The following KCNN2 variants were observed in gnomAD, a reference collection of about 807,000 sequenced individuals.
KCNN2 encodes small conductance calcium-activated potassium channel protein 2.
Under a neutral mutation model 55.5 loss-of-function variants are expected in KCNN2, and 24 were observed. That is an observed-to-expected ratio of 0.43 (90% CI 0.31 to 0.61). The LOEUF is 0.61. Ranked by LOEUF, KCNN2 falls within the 20% of genes least tolerant of loss-of-function variation. The probability of loss-of-function intolerance (pLI) is 0.08; values close to 1 mark genes in which losing one functional copy is unlikely to be tolerated. For synonymous variants in KCNN2, 431 were observed against 336.1 expected (o/e 1.28, Z -3.09); for missense variants, 754 against 853.6 (o/e 0.88, Z 1.45).
chr5:114,271,922 A>G (rs1363956339), intron 2 of KCNN2, among the ~76,000 whole-genome samples: 1 of 152,128 alleles, frequency 6.6e-6, no homozygotes, highest in East Asian at 1.9e-4. Context: ...GGGAGGAACT[A>G]TTGTGCTAAT....
chr5:114,293,881 G>T (rs1755950044), intron 2 of KCNN2, among the ~76,000 whole-genome samples: 1 of 152,160 alleles, frequency 6.6e-6, no homozygotes, highest in Non-Finnish European at 1.5e-5. Flanking sequence ...CCTGTTATTG[G>T]TCTATTCAGA....
chr5:114,080,727 T>C (rs977895660), intron 1 of KCNN2, among the ~76,000 whole-genome samples: 5 of 152,096 alleles, frequency 3.3e-5, no homozygotes, highest in African/African-American at 1.2e-4. Context: ...GTGAACATGA[T>C]ACTCAATAAT....
chr5:114,180,664 T>A (rs911091365), intron 1 of KCNN2, among the ~76,000 whole-genome samples: 9 of 152,316 alleles, frequency 5.9e-5, no homozygotes, highest in Middle Eastern at 3.4e-3. Context: ...TGCCACTTGC[T>A]TTATGAGCTT....
At chr5:114,112,806 G>C (rs1041257009) in intron 1 of KCNN2, among the ~76,000 whole-genome samples, 5 of 152,028 alleles carry the variant, frequency 3.3e-5, no homozygotes, top group Non-Finnish European at 5.9e-5. Context: ...AATAACACCG[G>C]TTATGCACAT....
At chr5:114,133,582 C>T (rs982549486) in intron 1 of KCNN2, among the ~76,000 whole-genome samples, 9 of 152,018 alleles carry the variant, frequency 5.9e-5, no homozygotes, top group Non-Finnish European at 1.0e-4. Flanking sequence ...TTTTGGGATT[C>T]CAGAATCCCA....
At chr5:114,385,823 A>G (rs142210161) in intron 2 of KCNN2, among the ~76,000 whole-genome samples, 1 of 151,110 alleles carries the variant, frequency 6.6e-6, no homozygotes, top group East Asian at 1.9e-4. Context: ...GTAATTGTTC[A>G]GGTTTTTTTT....
Position 114,432,985 on chromosome 5 carries a change from C to T in KCNN2, c.1637+28129C>T, listed in dbSNP as rs1014987254. Among the ~76,000 whole-genome samples the T allele has an allele frequency of 5.3e-5, 8 of 152,248 alleles. No homozygotes were observed. The East Asian group carries it at 5.8e-4, about 11-fold the overall frequency. On this transcript the variant is annotated intron_variant, in intron 3 of 7. Transcript: ENST00000673685. The stretch of plus-strand genomic sequence containing the variant: ...CCCACCCCCTCCATGGGCTCCTGTG[C>T]GGCCGGAGCCTCCCTGATGAGCGCC...
intron 2 of KCNN2, among the ~76,000 whole-genome samples, chr5:114,229,367 A>G (rs1754308757): frequency 6.6e-6 from 1 of 151,768 alleles, no homozygotes; most frequent in African/African-American, 2.4e-5. Context: ...CAGATACAAT[A>G]ATTATATCTC....
chr5:114,275,993 G>A (rs1277740440), intron 2 of KCNN2, among the ~76,000 whole-genome samples: 1 of 152,076 alleles, frequency 6.6e-6, no homozygotes, highest in Non-Finnish European at 1.5e-5. Context: ...TCTACATAAT[G>A]CTTTAAATGT....
At chr5:114,428,194 A>G (rs1373823149) in intron 3 of KCNN2, among the ~76,000 whole-genome samples, 1 of 152,186 alleles carries the variant, frequency 6.6e-6, no homozygotes, top group Admixed American at 6.5e-5. Context: ...TTTACAAAGT[A>G]ATTTTGTTAG....
In KCNN2 at chr5:114,241,773, TACA is replaced by T. The variant is rs1561537130; in HGVS notation, c.-185+20209_-185+20211del. ...ATATGTATATATATACGTATATATA[TACA>T]TATATACGTATATATATGTATATAT... On this transcript the variant is annotated intron_variant, in intron 2 of 10. Coordinates refer to the KCNN2 transcript ENST00000512097. Among the ~76,000 whole-genome samples, 91 of 35,560 alleles carry T rather than the reference TACA, an allele frequency of 2.6e-3. 12 individuals are homozygous for T. The highest frequency in any genetic ancestry group is 7.5e-3 in the East Asian group (12 of 1,596). The allele number at this position is 35,560 out of a possible 152,430, so 23.3% of individuals were successfully genotyped here.
chr5:114,244,921 G>A (rs1754721876), intron 2 of KCNN2, among the ~76,000 whole-genome samples: 1 of 152,104 alleles, frequency 6.6e-6, no homozygotes, highest in South Asian at 2.1e-4. Flanking sequence ...GGGTTATTCT[G>A]TAACTTAATG....
intron 1 of KCNN2, among the ~76,000 whole-genome samples, chr5:114,146,855 C>G (rs375319572): frequency 6.6e-6 from 1 of 152,062 alleles, no homozygotes; most frequent in East Asian, 1.9e-4. Flanking sequence ...AAGGTCCAGG[C>G]AAATTAGTAT....
chr5:114,080,846 A>G (rs1750798158), intron 1 of KCNN2, among the ~76,000 whole-genome samples: 1 of 152,174 alleles, frequency 6.6e-6, no homozygotes, highest in South Asian at 2.1e-4. Flanking sequence ...TTAGGCAATA[A>G]GAAGAAATAA....
chr5:114,120,478 T>C (rs568555907), intron 1 of KCNN2, among the ~76,000 whole-genome samples: 2 of 152,220 alleles, frequency 1.3e-5, no homozygotes, highest in Non-Finnish European at 2.9e-5. Context: ...CTTTGGAGTG[T>C]TCAACTAAGC....
intron 3 of KCNN2, among the ~76,000 whole-genome samples, chr5:114,408,892 G>A (rs2150073461): frequency 6.6e-6 from 1 of 152,344 alleles, no homozygotes; most frequent in South Asian, 2.1e-4. Context: ...AACATGCTCA[G>A]ATTGTGAGGT....
intron 2 of KCNN2, among the ~76,000 whole-genome samples, chr5:114,310,290 C>T (rs966193939): frequency 2.6e-5 from 4 of 152,074 alleles, no homozygotes; most frequent in Non-Finnish European, 5.9e-5. Flanking sequence ...CACAGTGCTC[C>T]CGCCCCAGTA....
chr5:114,174,101 A>G (rs1171824354), intron 1 of KCNN2, among the ~76,000 whole-genome samples: 1 of 152,052 alleles, frequency 6.6e-6, no homozygotes, highest in Admixed American at 6.6e-5. Flanking sequence ...TACAATGCAA[A>G]CATTATTCTC....
At chr5:114,393,892 C>G in intron 2 of KCNN2, among the ~76,000 whole-genome samples, 1 of 151,670 alleles carries the variant, frequency 6.6e-6, no homozygotes, top group East Asian at 1.9e-4. Flanking sequence ...ATTCATAATT[C>G]ATTTAACCCG....
Sources: allele counts gnomAD v4.1 joint callset (sites outside exome capture counted in the v4.1 genomes callset), GRCh38; gene constraint gnomAD v4.1.1; transcripts MANE v1.5; gene names NCBI Gene and HGNC (gene_info 2026-07-23, HGNC 2026-07-21).